Variants in PLXDC2 observed in about 807,000 individuals in gnomAD.
PLXDC2 encodes plexin domain-containing protein 2.
In PLXDC2, 40 loss-of-function variants were observed where a neutral mutation model predicts 68.9. The observed-to-expected ratio is 0.58, with a 90% CI of 0.45 to 0.76. The LOEUF (loss-of-function observed/expected upper bound fraction) is 0.76, where lower values mean the gene tolerates loss of function less well. PLXDC2 is among the 30% of genes least tolerant of loss of function. PLXDC2 has a pLI of 0.00. For missense variants in PLXDC2, 644 were observed against 661.9 expected, an observed-to-expected ratio of 0.97 and a Z score of 0.30; for synonymous variants, 243 against 234.2, an observed-to-expected ratio of 1.04 and a Z score of -0.34.
intron 2 of PLXDC2, among the ~76,000 whole-genome samples, chr10:20,028,557 G>A (rs1835441717): frequency 6.6e-6 from 1 of 152,042 alleles, no homozygotes; most frequent in Non-Finnish European, 1.5e-5. Flanking sequence ...GATATACCAG[G>A]TTCTGTTTCA....
At chr10:20,130,003 G>T (rs891894531) in intron 4 of PLXDC2, among the ~76,000 whole-genome samples, 5 of 151,682 alleles carry the variant, frequency 3.3e-5, no homozygotes, top group African/African-American at 1.2e-4. Flanking sequence ...GGCCTTTTGT[G>T]GTTCCATATG....
chr10:19,841,186 A>G (rs764715033), intron 1 of PLXDC2, among the ~76,000 whole-genome samples: 1 of 152,162 alleles, frequency 6.6e-6, no homozygotes, highest in African/African-American at 2.4e-5. Context: ...ATTTTCACAG[A>G]TGGAGGCTTG....
chr10:20,238,596 G>A (rs144843372), intron 12 of PLXDC2, among the ~76,000 whole-genome samples: 3,508 of 148,114 alleles, frequency 0.024, 155 homozygotes, highest in African/African-American at 0.081. Flanking sequence ...GCAGTGAGCC[G>A]AGATCGCACC....
rs541278812 is a variant in PLXDC2 at position 20,211,476 on chromosome 10, G to T, written c.1062-193G>T. 2.0e-5 allele frequency among the ~76,000 whole-genome samples: 3 copies of T among 152,198 alleles called. No homozygotes were observed. In the South Asian group the frequency reaches 6.2e-4, roughly 32 times the overall value. ...GCGATCCTAACAGTGACATCCTAAG[G>T]AATGAGTGATTATTTAGCAACCCTC... On this transcript the variant is annotated intron_variant, in intron 9 of 13. Coordinates refer to ENST00000377252, the MANE Select transcript of PLXDC2 (RefSeq NM_032812.9).
chr10:19,860,695 A>T (rs1047126642), intron 1 of PLXDC2, among the ~76,000 whole-genome samples: 1 of 152,200 alleles, frequency 6.6e-6, no homozygotes, highest in Non-Finnish European at 1.5e-5. Flanking sequence ...TGAACAGACC[A>T]GATCCTCACT....
intron 1 of PLXDC2, among the ~76,000 whole-genome samples, chr10:19,861,692 C>A (rs887294386): frequency 6.6e-6 from 1 of 152,182 alleles, no homozygotes; most frequent in Non-Finnish European, 1.5e-5. Context: ...ATCTTTCAAA[C>A]CTCAATTCAA....
At position 20,189,532 on chromosome 10, in the gene PLXDC2, CACATATATAT is replaced by C. The variant is rs1340234272; in HGVS notation, c.1061+12127_1061+12136del. ...ACATACACACACATATATATACACACACATATATATACACACACACACACATATATATATA... is the reference window on the plus strand; with the variant it reads ...ACATACACACACATATATATACACACACACACACACACACATATATATATA... On this transcript the variant is annotated intron_variant, in intron 9 of 13. Coordinates refer to ENST00000377252, the MANE Select transcript of PLXDC2 (RefSeq NM_032812.9). Among the ~76,000 whole-genome samples, 35 of 57,922 alleles carry C rather than the reference CACATATATAT, an allele frequency of 6.0e-4. 1 individual carries two copies. In the East Asian group the frequency reaches 7.2e-3, roughly 12 times the overall value. 38.0% of individuals were successfully genotyped at this position (57,922 alleles called of 152,430 possible).
At position 19,816,495 on chromosome 10, in the gene PLXDC2, C is replaced by A. The variant is rs1248082170; in HGVS notation, c.-585C>A. On this transcript the variant is annotated 5_prime_UTR_variant, in exon 1 of 14. Transcript: ENST00000377252. ...TTGGAGCTGCCCATTCCTCCGGCTG[C>A]GAGAAAGGACGCGCGCCCTGCGTCG... The A allele has an allele frequency of 6.5e-6, 1 of 152,724 alleles. No homozygotes were observed. The highest frequency in any genetic ancestry group is 1.5e-5 in the Non-Finnish European group (1 of 68,908). The allele number at this position is 152,724 out of a possible 1,614,324, so 9.5% of individuals were successfully genotyped here.
intron 1 of PLXDC2, among the ~76,000 whole-genome samples, chr10:19,928,320 G>A (rs1227263435): frequency 6.6e-6 from 1 of 152,136 alleles, no homozygotes; most frequent in Non-Finnish European, 1.5e-5. Context: ...TAAGTTTGTA[G>A]TAGGTTGTGA....
intron 9 of PLXDC2, among the ~76,000 whole-genome samples, chr10:20,204,724 C>A (rs886606047): frequency 2.4e-4 from 36 of 152,112 alleles, no homozygotes; most frequent in African/African-American, 8.4e-4. Context: ...TGGCACACAG[C>A]CACACCCAAT....
intron 3 of PLXDC2, among the ~76,000 whole-genome samples, chr10:20,050,221 C>T (rs113131709): frequency 1.2e-3 from 190 of 152,008 alleles, no homozygotes; most frequent in African/African-American, 4.4e-3. Context: ...TCGAGATGGA[C>T]TAAAGACTTA....
At chr10:20,186,422 C>A (rs1394659735) in intron 9 of PLXDC2, among the ~76,000 whole-genome samples, 5 of 151,806 alleles carry the variant, frequency 3.3e-5, no homozygotes, top group Middle Eastern at 6.3e-3. Flanking sequence ...TTCTCTTTAA[C>A]TTTTATTTTA....
intron 13 of PLXDC2, among the ~76,000 whole-genome samples, chr10:20,257,633 G>A (rs1185096694): frequency 6.6e-6 from 1 of 152,132 alleles, no homozygotes; most frequent in Non-Finnish European, 1.5e-5. Flanking sequence ...ACCTTTAGTG[G>A]AAAGTCTGCC....
intron 9 of PLXDC2, among the ~76,000 whole-genome samples, chr10:20,196,736 A>G (rs1271212298): frequency 2.6e-5 from 4 of 152,188 alleles, no homozygotes; most frequent in Non-Finnish European, 5.9e-5. Context: ...AATAGTGTCA[A>G]GTTGATGTGA....
Position 20,279,884 on chromosome 10 carries a change from C to T in PLXDC2, c.*65C>T. 1.6e-6 allele frequency: 2 copies of T among 1,257,322 alleles called. No homozygotes were observed. Among genetic ancestry groups the T allele is most frequent in the East Asian group, 4.6e-5 (2 of 43,098 alleles). The allele number at this position is 1,257,322 out of a possible 1,614,324, so 77.9% of individuals were successfully genotyped here. ...TGTTAAGACTAAAATTTTGCCTATA[C>T]CTTTAAGACAAACAAACAAACACAC... is the stretch of plus-strand genomic sequence containing the variant. On this transcript the variant is annotated 3_prime_UTR_variant, in exon 14 of 14. Coordinates refer to ENST00000377252, the MANE Select transcript of PLXDC2 (RefSeq NM_032812.9).
chr10:20,242,665 C>G (rs191097147), intron 12 of PLXDC2, among the ~76,000 whole-genome samples: 1 of 152,204 alleles, frequency 6.6e-6, no homozygotes, highest in Admixed American at 6.5e-5. Flanking sequence ...AGATACTGAC[C>G]TAAGACCCAG....
chr10:20,075,961 C>G (rs1222532236), intron 4 of PLXDC2, among the ~76,000 whole-genome samples: 1 of 152,212 alleles, frequency 6.6e-6, no homozygotes, highest in Non-Finnish European at 1.5e-5. Context: ...CTTCTTCCAG[C>G]ACATCCAGGC....
intron 1 of PLXDC2, among the ~76,000 whole-genome samples, chr10:19,831,368 T>C (rs1439043991): frequency 6.6e-6 from 1 of 152,128 alleles, no homozygotes; most frequent in African/African-American, 2.4e-5. Flanking sequence ...ATTTTTCCTA[T>C]GGGTATAGAT....
At chr10:20,105,652 A>C (rs149760432) in intron 4 of PLXDC2, among the ~76,000 whole-genome samples, 1 of 152,010 alleles carries the variant, frequency 6.6e-6, no homozygotes, top group African/African-American at 2.4e-5. Context: ...CCTGCCCCCT[A>C]CCCCCACCTC....
Sources: gnomAD v4.1 joint callset for allele counts (sites outside exome capture counted in the v4.1 genomes callset) on GRCh38, gnomAD v4.1.1 for gene constraint, MANE v1.5 for transcripts, NCBI Gene and HGNC (gene_info 2026-07-23, HGNC 2026-07-21) for gene names.